STPG2: variants seen among roughly 807,000 people sequenced by gnomAD.
The protein encoded by STPG2 is sperm-tail PG-rich repeat-containing protein 2.
Under a neutral mutation model 54.2 loss-of-function variants are expected in STPG2, and 56 were observed. The ratio of observed to expected loss-of-function variants is 1.03; its 90% CI spans 0.83 to 1.29. The LOEUF (loss-of-function observed/expected upper bound fraction) is 1.29, where lower values mean the gene tolerates loss of function less well. STPG2 is among the 50% of genes most tolerant of loss of function. The pLI, the probability that STPG2 is intolerant of heterozygous loss-of-function variation, is 0.00. For synonymous variants in STPG2, 200 were observed against 181.8 expected, an observed-to-expected ratio of 1.10 and a Z score of -0.81; for missense variants, 596 against 544.9, an observed-to-expected ratio of 1.09 and a Z score of -0.93.
chr4:97,798,140 G>T (rs888119846), intron 9 of STPG2, among the ~76,000 whole-genome samples: 2 of 152,056 alleles, frequency 1.3e-5, no homozygotes, highest in African/African-American at 2.4e-5. Context: ...CTAGCTCCTG[G>T]ATTCATCGAT....
chr4:97,566,308 G>C (rs57323763), intron 10 of STPG2, among the ~76,000 whole-genome samples: 16,259 of 152,162 alleles, frequency 0.11, 2,585 homozygotes, highest in African/African-American at 0.35. Flanking sequence ...TATTGGGGTG[G>C]GAGTGACCTG....
rs192461744 is a variant in STPG2 at position 97,864,282 on chromosome 4, C to T, written c.1045-23350G>A. Reference sequence around the variant, plus strand: ...ATACAAAATCAATGTGCAAAAATCACAAGCATTCTTAGACACCAATAACAG... The same window carrying T: ...ATACAAAATCAATGTGCAAAAATCATAAGCATTCTTAGACACCAATAACAG... On this transcript the variant is annotated intron_variant, in intron 8 of 10. Transcript: ENST00000295268. Among the ~76,000 whole-genome samples, 25 of 138,942 alleles carry T rather than the reference C, an allele frequency of 1.8e-4. No individual in the cohort carries two copies. The East Asian group carries it at 4.9e-3, about 27-fold the overall frequency. The allele number at this position is 138,942 out of a possible 152,430, so 91.2% of individuals were successfully genotyped here. A position where few individuals can be genotyped will look rare whatever the true frequency, so the allele number is the denominator to read the frequency against.
At chr4:97,699,559 G>A (rs771267207) in intron 10 of STPG2, among the ~76,000 whole-genome samples, 3 of 152,196 alleles carry the variant, frequency 2.0e-5, no homozygotes, top group African/African-American at 4.8e-5. Flanking sequence ...GTATATAATC[G>A]TACATCTGGC....
chr4:97,807,953 G>A (rs138420938), intron 9 of STPG2, among the ~76,000 whole-genome samples: 50 of 152,062 alleles, frequency 3.3e-4, no homozygotes, highest in African/African-American at 1.1e-3. Context: ...ACAGTATTTA[G>A]ATGTTTTTGA....
intron 5 of STPG2, among the ~76,000 whole-genome samples, chr4:98,063,806 G>A (rs981169135): frequency 1.6e-4 from 25 of 152,048 alleles, no homozygotes; most frequent in African/African-American, 5.8e-4. Flanking sequence ...TTGGGAGGCC[G>A]AGGTGGGAGG....
At chr4:97,574,113 C>T (rs1356849863) in intron 10 of STPG2, among the ~76,000 whole-genome samples, 2 of 152,080 alleles carry the variant, frequency 1.3e-5, no homozygotes, top group Non-Finnish European at 2.9e-5. Context: ...GGACTTTATT[C>T]TACCTATCAC....
At chr4:98,086,983 T>C (rs934623703) in intron 5 of STPG2, among the ~76,000 whole-genome samples, 5 of 152,198 alleles carry the variant, frequency 3.3e-5, no homozygotes, top group Non-Finnish European at 7.4e-5. Flanking sequence ...AATAGTATCG[T>C]TGTCAACAGC....
At chr4:97,573,235 C>A (rs1444085515) in intron 10 of STPG2, among the ~76,000 whole-genome samples, 1 of 151,814 alleles carries the variant, frequency 6.6e-6, no homozygotes, top group African/African-American at 2.4e-5. Flanking sequence ...TAACTATACA[C>A]GTTATATAAA....
chr4:98,011,132 C>A (rs1010469115), intron 5 of STPG2, among the ~76,000 whole-genome samples: 1 of 152,032 alleles, frequency 6.6e-6, no homozygotes, highest in Admixed American at 6.6e-5. Context: ...CCAGACAGGC[C>A]CCAGTGTGTG....
intron 5 of STPG2, among the ~76,000 whole-genome samples, chr4:98,029,782 A>C (rs1470538303): frequency 6.6e-6 from 1 of 152,156 alleles, no homozygotes; most frequent in Non-Finnish European, 1.5e-5. Flanking sequence ...GGCCTGAATG[A>C]AAAAGTAGCT....
At chr4:97,572,559 G>A (rs1441802455) in intron 10 of STPG2, 1 of 152,052 alleles carries the variant, frequency 6.6e-6, no homozygotes, top group East Asian at 1.9e-4. Flanking sequence ...TGAATCTTTG[G>A]TTATTAACAT....
intron 5 of STPG2, chr4:98,026,144 C>T: frequency 6.8e-7 from 1 of 1,467,598 alleles, no homozygotes; most frequent in African/African-American, 1.4e-5. Context: ...TGAAAAGAAG[C>T]CCAAGAAAGA....
At chr4:97,961,290 C>G (rs1208876483) in intron 7 of STPG2, among the ~76,000 whole-genome samples, 1 of 151,984 alleles carries the variant, frequency 6.6e-6, no homozygotes, top group Non-Finnish European at 1.5e-5. Context: ...TTGGCTTAGG[C>G]AAAGATTTCA....
chr4:97,662,167 TAAAC>T (rs1722392791), intron 10 of STPG2, among the ~76,000 whole-genome samples: 1 of 151,882 alleles, frequency 6.6e-6, no homozygotes, highest in South Asian at 2.1e-4. Flanking sequence ...TATAAGAAAT[TAAAC>T]AAATCAATAA....
rs1252816854 is a variant in STPG2 at position 97,905,432 on chromosome 4, GC to G, written c.1044+38464del. On this transcript the variant is annotated intron_variant, in intron 8 of 10. Transcript: ENST00000295268. ...GAGAGATTTTGTCACCACCAGGCCT[GC>G]CCTAAAAGAGCTCCTGAAGGAAGTG... Among the ~76,000 whole-genome samples the G allele has an allele frequency of 2.6e-5, 4 of 152,072 alleles. No homozygotes were observed. In the East Asian group the frequency reaches 7.8e-4, roughly 30 times the overall value.
At chr4:97,514,779 C>T (rs1163125835) in intron 4 of STPG2, among the ~76,000 whole-genome samples, 1 of 151,902 alleles carries the variant, frequency 6.6e-6, no homozygotes, top group Non-Finnish European at 1.5e-5. Context: ...TTTATTACCA[C>T]CAGAACTCAT....
At chr4:98,139,154 T>G (rs1430764505) in intron 1 of STPG2, among the ~76,000 whole-genome samples, 1 of 152,160 alleles carries the variant, frequency 6.6e-6, no homozygotes, top group Non-Finnish European at 1.5e-5. Context: ...AAAAGCAGCT[T>G]AGTCCTGTCC....
At chr4:97,525,239 G>T (rs1344047289) in intron 4 of STPG2, among the ~76,000 whole-genome samples, 1 of 151,498 alleles carries the variant, frequency 6.6e-6, no homozygotes, top group Admixed American at 6.6e-5. Flanking sequence ...AAATATCCAG[G>T]TTTTACTGCT....
rs35225418 is a variant in STPG2 at position 98,086,666 on chromosome 4, G to GAAAAAAAA, written c.612+19279_612+19286dup. ...ATAATGAATCCACAGATGCATGCCAGAAAAAAAAAAAAAAAAAAAAAGGTG... is the reference window on the plus strand; with the variant it reads ...ATAATGAATCCACAGATGCATGCCAGAAAAAAAAAAAAAAAAAAAAAAAAAAAAAGGTG... On this transcript the variant is annotated intron_variant, in intron 5 of 10. Transcript: ENST00000295268. 7.6e-3 allele frequency among the ~76,000 whole-genome samples: 721 copies of GAAAAAAAA among 94,858 alleles called. 34 individuals carry two copies. Among genetic ancestry groups the GAAAAAAAA allele is most frequent in the African/African-American group, 0.026 (641 of 24,244 alleles). 62.2% of individuals were successfully genotyped at this position (94,858 alleles called of 152,430 possible). A position where few individuals can be genotyped will look rare whatever the true frequency, so the allele number is the denominator to read the frequency against.
Sources: allele counts gnomAD v4.1 joint callset (sites outside exome capture counted in the v4.1 genomes callset), GRCh38; gene constraint gnomAD v4.1.1; transcripts MANE v1.5; gene names NCBI Gene and HGNC (gene_info 2026-07-23, HGNC 2026-07-21).